SYT9: variants seen among roughly 807,000 people sequenced by gnomAD.
The protein encoded by SYT9 is synaptotagmin 9.
Under a neutral mutation model 48.4 loss-of-function variants are expected in SYT9, and 22 were observed. The observed-to-expected ratio is 0.45, with a 90% CI of 0.32 to 0.65. The LOEUF is 0.65. SYT9 is among the 30% of genes least tolerant of loss of function. The probability of loss-of-function intolerance (pLI) is 0.03; values close to 1 mark genes in which losing one functional copy is unlikely to be tolerated. For synonymous variants in SYT9, 265 were observed against 245.0 expected (o/e 1.08, Z -0.76); for missense variants, 577 against 622.0 (o/e 0.93, Z 0.77).
chr11:7,451,466 C>G (rs1267515517), intron 6 of SYT9, among the ~76,000 whole-genome samples: 14 of 152,194 alleles, frequency 9.2e-5, no homozygotes, highest in Non-Finnish European at 1.5e-5. Flanking sequence ...TTTGCTTATG[C>G]AGCTTTTCTT....
chr11:7,326,624 G>C (rs923947356), intron 3 of SYT9, among the ~76,000 whole-genome samples: 2 of 147,194 alleles, frequency 1.4e-5, no homozygotes, highest in African/African-American at 5.0e-5. Flanking sequence ...TCAATCCTAA[G>C]CCAAAAGAAC....
chr11:7,352,862 T>G (rs1003553731), intron 3 of SYT9, among the ~76,000 whole-genome samples: 2 of 152,182 alleles, frequency 1.3e-5, no homozygotes, highest in Non-Finnish European at 2.9e-5. Flanking sequence ...GCAGTGATCT[T>G]AAAAGTGGGG....
chr11:7,271,203 G>A (rs1848290382), intron 1 of SYT9, among the ~76,000 whole-genome samples: 1 of 152,016 alleles, frequency 6.6e-6, no homozygotes, highest in African/African-American at 2.4e-5. Flanking sequence ...TTGGCTCCAA[G>A]CCCACTTTTG....
intron 5 of SYT9, among the ~76,000 whole-genome samples, chr11:7,418,804 A>G (rs1847298054): frequency 6.6e-6 from 1 of 152,254 alleles, no homozygotes; most frequent in Non-Finnish European, 1.5e-5. Context: ...TCATTTTAAT[A>G]TGCAAAGGAA....
intron 3 of SYT9, among the ~76,000 whole-genome samples, chr11:7,337,759 G>C (rs546295881): frequency 2.0e-5 from 3 of 152,058 alleles, no homozygotes; most frequent in Non-Finnish European, 4.4e-5. Flanking sequence ...TGCTGGATTT[G>C]GTTTGCTAGC....
intron 6 of SYT9, chr11:7,438,833 C>T (rs1158562452): frequency 2.0e-5 from 3 of 152,356 alleles, no homozygotes; most frequent in Non-Finnish European, 2.9e-5. Context: ...CTACATCCCG[C>T]CCCTGACTCT....
At chr11:7,364,746 C>A (rs147797581) in intron 3 of SYT9, among the ~76,000 whole-genome samples, 101 of 152,302 alleles carry the variant, frequency 6.6e-4, no homozygotes, top group Non-Finnish European at 1.0e-3. Context: ...AAACTCTAAC[C>A]TGCCTGAGCA....
chr11:7,406,071 A>G (rs933201963), intron 3 of SYT9, among the ~76,000 whole-genome samples: 1 of 152,184 alleles, frequency 6.6e-6, no homozygotes, highest in African/African-American at 2.4e-5. Context: ...TATATGGGGT[A>G]CATATGAATA....
At position 7,331,243 on chromosome 11, in the gene SYT9, A is replaced by G. The variant is rs115200590; in HGVS notation, c.1044+17302A>G. Among the ~76,000 whole-genome samples the G allele has an allele frequency of 8.4e-3, 491 of 58,556 alleles. 37 individuals are homozygous for G. Among genetic ancestry groups the G allele is most frequent in the African/African-American group, 0.026 (470 of 18,008 alleles). 38.4% of individuals were successfully genotyped at this position (58,556 alleles called of 152,430 possible). A position where few individuals can be genotyped will look rare whatever the true frequency, so the allele number is the denominator to read the frequency against. ...CAGGGATTTTTTATATTGAGGACCA[A>G]TACCAGTCAACTGGTGGTAGCTGAC... On this transcript the variant is annotated intron_variant, in intron 3 of 6. Transcript: ENST00000318881.
At chr11:7,367,757 T>C (rs971412437) in intron 3 of SYT9, among the ~76,000 whole-genome samples, 3 of 144,300 alleles carry the variant, frequency 2.1e-5, no homozygotes, top group Non-Finnish European at 4.7e-5. Context: ...CAAAATGTTT[T>C]TCCACTGGAA....
chr11:7,371,526 G>A (rs114996048), intron 3 of SYT9, among the ~76,000 whole-genome samples: 2,830 of 152,056 alleles, frequency 0.019, 58 homozygotes, highest in African/African-American at 0.045. Context: ...TTGAGGTATA[G>A]TTTACATTTA....
chr11:7,437,994 C>G (rs534402326), intron 6 of SYT9: 15 of 152,170 alleles, frequency 9.9e-5, no homozygotes, highest in Admixed American at 7.9e-4. Flanking sequence ...TGCTAGGTTG[C>G]GAATACTACA....
intron 1 of SYT9, among the ~76,000 whole-genome samples, chr11:7,265,526 C>G (rs921556756): frequency 2.6e-5 from 4 of 152,158 alleles, no homozygotes; most frequent in Non-Finnish European, 4.4e-5. Flanking sequence ...AAATGACATG[C>G]ACTTACGGCC....
chr11:7,454,939 C>T lies in SYT9; in HGVS notation c.1468-11853C>T, dbSNP rs568811054. On this transcript the variant is annotated intron_variant, in intron 6 of 6. Coordinates refer to ENST00000318881, the MANE Select transcript of SYT9 (RefSeq NM_175733.4). ...AACAGCATGGCTGAGAGATACATGC[C>T]GTGGCCTACTATCAGCCACAGTGTA... Among the ~76,000 whole-genome samples the T allele has an allele frequency of 9.8e-5, 15 of 152,290 alleles. No homozygotes were observed. The South Asian group carries it at 1.9e-3, about 19-fold the overall frequency.
At chr11:7,342,169 G>A (rs1342178767) in intron 3 of SYT9, among the ~76,000 whole-genome samples, 1 of 151,954 alleles carries the variant, frequency 6.6e-6, no homozygotes, top group Admixed American at 6.6e-5. Flanking sequence ...TTCCACCCCT[G>A]GGCCTCTCCC....
At chr11:7,366,192 A>T (rs1850239646) in intron 3 of SYT9, among the ~76,000 whole-genome samples, 1 of 152,126 alleles carries the variant, frequency 6.6e-6, no homozygotes, top group South Asian at 2.1e-4. Context: ...CTAAGCTCTG[A>T]CATACCTGGG....
At chr11:7,256,888 A>G (rs1483633818) in intron 1 of SYT9, among the ~76,000 whole-genome samples, 1 of 152,162 alleles carries the variant, frequency 6.6e-6, no homozygotes, top group African/African-American at 2.4e-5. Flanking sequence ...TCTTCTCTCC[A>G]TGTAAATATT....
At chr11:7,387,374 A>G (rs1412761351) in intron 3 of SYT9, among the ~76,000 whole-genome samples, 3 of 152,218 alleles carry the variant, frequency 2.0e-5, no homozygotes, top group African/African-American at 2.4e-5. Flanking sequence ...CTTCTTGAAA[A>G]TAAAATAAAA....
intron 1 of SYT9, among the ~76,000 whole-genome samples, chr11:7,271,618 C>T (rs537696230): frequency 6.6e-6 from 1 of 152,160 alleles, no homozygotes; most frequent in South Asian, 2.1e-4. Context: ...GCTCTGTCAC[C>T]CAGGTTGGAG....
Sources: allele counts gnomAD v4.1 joint callset (sites outside exome capture counted in the v4.1 genomes callset), GRCh38; gene constraint gnomAD v4.1.1; transcripts MANE v1.5; gene names NCBI Gene and HGNC (gene_info 2026-07-23, HGNC 2026-07-21).